The following GRM5 variants were observed in gnomAD, a reference collection of about 807,000 sequenced individuals.
The protein encoded by GRM5 is metabotropic glutamate receptor 5.
Under a neutral mutation model 83.1 loss-of-function variants are expected in GRM5, and 19 were observed. That is an observed-to-expected ratio of 0.23 (90% CI 0.16 to 0.34). GRM5 has a LOEUF of 0.34. Ranked by LOEUF, GRM5 falls within the 10% of genes least tolerant of loss-of-function variation. The pLI, the probability that GRM5 is intolerant of heterozygous loss-of-function variation, is 1.00. For synonymous variants in GRM5, 675 were observed against 633.6 expected (o/e 1.07, Z -0.98); for missense variants, 1,160 against 1,588.3 (o/e 0.73, Z 4.58).
chr11:88,746,650 C>T (rs1942151362), intron 3 of GRM5, among the ~76,000 whole-genome samples: 1 of 151,850 alleles, frequency 6.6e-6, no homozygotes, highest in South Asian at 2.1e-4. Flanking sequence ...TCATCATATA[C>T]TAACTGCTTA....
At chr11:88,584,042 T>A (rs1371177924) in intron 7 of GRM5, among the ~76,000 whole-genome samples, 1 of 152,168 alleles carries the variant, frequency 6.6e-6, no homozygotes, top group Non-Finnish European at 1.5e-5. Context: ...AACTTAGTCT[T>A]ATATTTTAAA....
chr11:88,555,472 T>C (rs902789829), intron 8 of GRM5, among the ~76,000 whole-genome samples: 8 of 152,196 alleles, frequency 5.3e-5, no homozygotes, highest in Admixed American at 5.2e-4. Flanking sequence ...CCATGCTTTT[T>C]GCTTTTCAGT....
intron 4 of GRM5, among the ~76,000 whole-genome samples, chr11:88,638,440 GTTTT>G (rs1939201334): frequency 6.6e-6 from 1 of 150,686 alleles, no homozygotes; most frequent in Admixed American, 6.6e-5. Context: ...TTGTTTGTTT[GTTTT>G]GTTTTCCATG....
chr11:88,752,569 C>T (rs574476777), intron 3 of GRM5, among the ~76,000 whole-genome samples: 2 of 152,298 alleles, frequency 1.3e-5, no homozygotes, highest in Admixed American at 6.5e-5. Context: ...ATTAAACTAC[C>T]TTTGCCATTT....
chr11:88,737,351 T>G (rs74403990), intron 3 of GRM5, among the ~76,000 whole-genome samples: 2,435 of 152,074 alleles, frequency 0.016, 23 homozygotes, highest in Admixed American at 0.024. Flanking sequence ...AGAAGAGTGT[T>G]TTTTCTCTGG....
chr11:89,048,148 T>C lies in GRM5; in HGVS notation c.-200-76A>G, dbSNP rs1941682919. On this transcript the variant is annotated intron_variant, in intron 1 of 9. Transcript: ENST00000305447. ...TTTGGGGAAGTTCTATAATCCATGT[T>C]AGCAGAGAAAATATTTTGATGATGC... 3 of 350,816 alleles carry C rather than the reference T, an allele frequency of 8.6e-6. No homozygotes were observed. In the Admixed American group the frequency reaches 1.3e-4, roughly 15 times the overall value. The allele number at this position is 350,816 out of a possible 1,614,324, so 21.7% of individuals were successfully genotyped here.
intron 3 of GRM5, among the ~76,000 whole-genome samples, chr11:88,711,170 T>C (rs1444059743): frequency 6.6e-6 from 1 of 152,060 alleles, no homozygotes; most frequent in Non-Finnish European, 1.5e-5. Flanking sequence ...TACGAAAGTT[T>C]GAATGAAGAA....
intron 8 of GRM5, among the ~76,000 whole-genome samples, chr11:88,530,632 A>G (rs896134642): frequency 1.3e-5 from 2 of 152,046 alleles, no homozygotes; most frequent in African/African-American, 4.8e-5. Flanking sequence ...CTTCACCTCA[A>G]TTCCTCTTTC....
At chr11:88,802,534 C>T (rs1216957154) in intron 3 of GRM5, among the ~76,000 whole-genome samples, 1 of 151,882 alleles carries the variant, frequency 6.6e-6, no homozygotes, top group Non-Finnish European at 1.5e-5. Flanking sequence ...GGGACATATC[C>T]CAAAATAATA....
At chr11:88,898,014 G>T (rs2135592688) in intron 2 of GRM5, among the ~76,000 whole-genome samples, 1 of 152,048 alleles carries the variant, frequency 6.6e-6, no homozygotes, top group Non-Finnish European at 1.5e-5. Flanking sequence ...CTGTCTCACA[G>T]TTCTGGAGGC....
intron 3 of GRM5, among the ~76,000 whole-genome samples, chr11:88,824,441 T>G (rs1943858144): frequency 6.6e-6 from 1 of 152,216 alleles, no homozygotes; most frequent in Non-Finnish European, 1.5e-5. Flanking sequence ...TAGAAAGCTG[T>G]AAATCAGTAG....
intron 2 of GRM5, among the ~76,000 whole-genome samples, chr11:88,949,668 C>T (rs560956297): frequency 6.6e-6 from 1 of 151,840 alleles, no homozygotes; most frequent in African/African-American, 2.4e-5. Context: ...TAAAGCAAAA[C>T]GTAAGGAAAT....
At chr11:88,793,029 G>T (rs1349705436) in intron 3 of GRM5, among the ~76,000 whole-genome samples, 1 of 151,934 alleles carries the variant, frequency 6.6e-6, no homozygotes, top group East Asian at 1.9e-4. Context: ...ATACTATTTA[G>T]AGTATAGCAC....
At chr11:88,576,573 T>G (rs1943115184) in intron 7 of GRM5, among the ~76,000 whole-genome samples, 1 of 152,128 alleles carries the variant, frequency 6.6e-6, no homozygotes, top group African/African-American at 2.4e-5. Context: ...AATATGAGCC[T>G]TTTACTCTAT....
chr11:88,829,893 C>A (rs1354397324), intron 3 of GRM5, among the ~76,000 whole-genome samples: 1 of 151,810 alleles, frequency 6.6e-6, no homozygotes, highest in Non-Finnish European at 1.5e-5. Context: ...TATCCTAGAA[C>A]CAAAGTATAT....
chr11:88,638,770 A>C (rs142640804), intron 4 of GRM5, among the ~76,000 whole-genome samples: 28 of 152,230 alleles, frequency 1.8e-4, no homozygotes, highest in African/African-American at 6.7e-4. Flanking sequence ...AAAGTTGCTC[A>C]TAGTATTTAT....
At chr11:88,831,066 G>T (rs1175008705) in intron 3 of GRM5, among the ~76,000 whole-genome samples, 1 of 151,826 alleles carries the variant, frequency 6.6e-6, no homozygotes, top group Non-Finnish European at 1.5e-5. Context: ...GTTCTGAGTG[G>T]GGACACAGCC....
intron 3 of GRM5, among the ~76,000 whole-genome samples, chr11:88,725,146 T>C (rs2135400063): frequency 6.6e-6 from 1 of 152,294 alleles, no homozygotes; most frequent in Non-Finnish European, 1.5e-5. Flanking sequence ...TTAAAATTCT[T>C]GCCACCAGCA....
intron 8 of GRM5, among the ~76,000 whole-genome samples, chr11:88,527,696 C>T (rs1004689753): frequency 2.0e-5 from 3 of 152,032 alleles, no homozygotes; most frequent in African/African-American, 4.8e-5. Context: ...AACCTAAATG[C>T]CCATCAACGG....
Sources: allele counts gnomAD v4.1 joint callset (sites outside exome capture counted in the v4.1 genomes callset), GRCh38; gene constraint gnomAD v4.1.1; transcripts MANE v1.5; gene names NCBI Gene and HGNC (gene_info 2026-07-23, HGNC 2026-07-21).